The following LRIF1 variants were observed in gnomAD, a reference collection of about 807,000 sequenced individuals.
LRIF1 encodes the protein ligand dependent nuclear receptor interacting factor 1.
LRIF1 carries 32 observed loss-of-function variants against 52.7 expected under a neutral mutation model. That is an observed-to-expected ratio of 0.61 (90% CI 0.46 to 0.82). The LOEUF (loss-of-function observed/expected upper bound fraction) is 0.82, where lower values mean the gene tolerates loss of function less well. Ranked by LOEUF, LRIF1 falls within the 40% of genes least tolerant of loss-of-function variation. The probability of loss-of-function intolerance (pLI) is 0.00; values close to 1 mark genes in which losing one functional copy is unlikely to be tolerated. For synonymous variants in LRIF1, 323 were observed against 317.4 expected, an observed-to-expected ratio of 1.02 and a Z score of -0.19; for missense variants, 887 against 892.0, an observed-to-expected ratio of 0.99 and a Z score of 0.07.
Position 110,947,787 on chromosome 1 carries a change from A to G in LRIF1, c.*172T>C. 1.2e-6 allele frequency: 1 copy of G among 804,452 alleles called. No individual in the cohort carries two copies. The highest frequency in any genetic ancestry group is 3.1e-5 in the South Asian group (1 of 32,288). The allele number at this position is 804,452 out of a possible 1,614,324, so 49.8% of individuals were successfully genotyped here. A position where few individuals can be genotyped will look rare whatever the true frequency, so the allele number is the denominator to read the frequency against. Reference sequence around the variant, plus strand: ...TATAGATACCCCATGTAAATTATTCACAAGTCATATGTGAATCAACCTTTT... The same window carrying G: ...TATAGATACCCCATGTAAATTATTCGCAAGTCATATGTGAATCAACCTTTT... On this transcript the variant is annotated 3_prime_UTR_variant, in exon 4 of 4. Coordinates refer to ENST00000369763, the MANE Select transcript of LRIF1 (RefSeq NM_018372.4).
chr1:110,876,446 C>T, the LRIF1 span, among the ~76,000 whole-genome samples: 1 of 152,174 alleles, frequency 6.6e-6, no homozygotes, highest in African/African-American at 2.4e-5. Flanking sequence ...ACTATGCTAG[C>T]AAACTAAATA....
the LRIF1 span, among the ~76,000 whole-genome samples, chr1:110,931,060 G>C: frequency 2.0e-5 from 3 of 151,872 alleles, no homozygotes; most frequent in Admixed American, 1.3e-4. Flanking sequence ...AGGTATACAT[G>C]TGCCATGCTG....
At chr1:110,877,861 G>C in the LRIF1 span, among the ~76,000 whole-genome samples, 29 of 152,266 alleles carry the variant, frequency 1.9e-4, no homozygotes, top group South Asian at 5.8e-3. Context: ...CTCTTCAAAA[G>C]GACGTACAGC....
the LRIF1 span, among the ~76,000 whole-genome samples, chr1:110,884,383 C>A: frequency 6.6e-6 from 1 of 152,074 alleles, no homozygotes; most frequent in South Asian, 2.1e-4. Flanking sequence ...GATTTATGGT[C>A]CAGAATGGTC....
At chr1:110,931,735 A>C in the LRIF1 span, among the ~76,000 whole-genome samples, 1 of 152,190 alleles carries the variant, frequency 6.6e-6, no homozygotes, top group South Asian at 2.1e-4. Context: ...CTGATGACCA[A>C]TGATGATGAG....
At chr1:110,888,530 G>A in the LRIF1 span, among the ~76,000 whole-genome samples, 97,396 of 152,000 alleles carry the variant, frequency 0.64, 33,237 homozygotes, top group Non-Finnish European at 0.77. Context: ...TTATTTTATA[G>A]TCTACATTTT....
At chr1:110,956,419 CAG>C (rs1284587864) in intron 1 of LRIF1, among the ~76,000 whole-genome samples, 1 of 152,020 alleles carries the variant, frequency 6.6e-6, no homozygotes, top group Non-Finnish European at 1.5e-5. Context: ...TAAAATGAAA[CAG>C]AGTCTAAACT....
At chr1:110,959,976 TATATAC>T (rs1282749189) in intron 1 of LRIF1, among the ~76,000 whole-genome samples, 6 of 152,068 alleles carry the variant, frequency 3.9e-5, no homozygotes, top group African/African-American at 1.4e-4. Flanking sequence ...GACATAACAT[TATATAC>T]ATATAGAACA....
chr1:110,959,206 A>C (rs1045986922), intron 1 of LRIF1, among the ~76,000 whole-genome samples: 2 of 152,230 alleles, frequency 1.3e-5, no homozygotes, highest in African/African-American at 4.8e-5. Context: ...ACAGTTTAAC[A>C]GTTTAAAAGA....
chr1:110,941,700 C>G, the LRIF1 span: 1 of 152,062 alleles, frequency 6.6e-6, no homozygotes, highest in Non-Finnish European at 1.5e-5. Context: ...GTTTCCCACA[C>G]TTCTTGGTTG....
At chr1:110,896,540 T>C in the LRIF1 span, 2 of 937,176 alleles carry the variant, frequency 2.1e-6, no homozygotes, top group Non-Finnish European at 3.4e-6. Context: ...AGACCAATTC[T>C]GGACTTCTGC....
Position 110,959,195 on chromosome 1 carries a change from TAC to T in LRIF1, c.68+4424_68+4425del, listed in dbSNP as rs559874405. ...CTGAGAAACTACATTTGAAAAATAA[TAC>T]AGTTTAACAGTTTAAAAGAGAAAAG... On this transcript the variant is annotated intron_variant, in intron 1 of 3. Coordinates refer to ENST00000369763, the MANE Select transcript of LRIF1 (RefSeq NM_018372.4). Among the ~76,000 whole-genome samples, 196 of 152,208 alleles carry T rather than the reference TAC, an allele frequency of 1.3e-3. 1 individual carries two copies. The highest frequency in any genetic ancestry group is 4.5e-3 in the African/African-American group (186 of 41,538).
rs1268504165 is a variant in LRIF1, at chr1:110,947,544, T to C, written c.*415A>G. 2 of 156,382 alleles carry C rather than the reference T, an allele frequency of 1.3e-5. No homozygotes were observed. The highest frequency in any genetic ancestry group is 4.8e-5 in the African/African-American group (2 of 41,402). 9.7% of individuals were successfully genotyped at this position (156,382 alleles called of 1,614,324 possible). On this transcript the variant is annotated 3_prime_UTR_variant, in exon 4 of 4. Transcript: ENST00000369763. ...AAAGCAAGTACATATACAAATCCAC[T>C]GGAAAAGCTAAGTTTGGAGCTGATT...
chr1:110,947,914 A>G lies in LRIF1; in HGVS notation c.*45T>C, dbSNP rs754772514. ...ACAATTAACTTATTAATGCTGAAGT[A>G]TATTTTAAAAAACAGCTATTTCACT... is the stretch of plus-strand genomic sequence containing the variant. On this transcript the variant is annotated 3_prime_UTR_variant, in exon 4 of 4. Coordinates refer to ENST00000369763, the MANE Select transcript of LRIF1 (RefSeq NM_018372.4). 17 of 1,530,462 alleles carry G rather than the reference A, an allele frequency of 1.1e-5. No homozygotes were observed. In the Admixed American group the frequency reaches 2.7e-4, roughly 24 times the overall value. The allele number at this position is 1,530,462 out of a possible 1,614,324, so 94.8% of individuals were successfully genotyped here.
In LRIF1 at chr1:110,948,386, T is replaced by G; in HGVS notation, c.1883A>C (p.Lys628Thr). 1 of 1,609,686 alleles carries G rather than the reference T, an allele frequency of 6.2e-7. No homozygotes were observed. Among genetic ancestry groups the G allele is most frequent in the Non-Finnish European group, 8.5e-7 (1 of 1,177,756 alleles). ...EGERKQQNFD[K>T]KRKAKTNKKM... ...CTTATTAGTTTTTGCTTTTCTTTTC[T>G]TATCAAAATTCTGCTGCAATATTGA... The change falls in exon 4 of 4, where the codon AAG becomes ACG. Residue 628 changes from lysine (K) to threonine (T), a missense_variant. Physicochemically the swap from Lys to Thr is moderately conservative, Grantham distance 78. Transcript: ENST00000369763.
At chr1:110,909,542 G>A in the LRIF1 span, among the ~76,000 whole-genome samples, 6 of 137,942 alleles carry the variant, frequency 4.3e-5, no homozygotes, top group African/African-American at 1.6e-4. Context: ...GATCTATCAA[G>A]CAAACAGAAA....
the LRIF1 span, among the ~76,000 whole-genome samples, chr1:110,914,134 A>G: frequency 6.6e-6 from 1 of 152,128 alleles, no homozygotes; most frequent in Non-Finnish European, 1.5e-5. Flanking sequence ...GGAACAACAG[A>G]CACCGTGGTT....
At chr1:110,905,145 C>G in the LRIF1 span, among the ~76,000 whole-genome samples, 1 of 151,960 alleles carries the variant, frequency 6.6e-6, no homozygotes, top group Non-Finnish European at 1.5e-5. Flanking sequence ...TAGAAAATAA[C>G]CTCAGAAGGG....
intron 1 of LRIF1, among the ~76,000 whole-genome samples, chr1:110,958,015 C>A (rs1658777475): frequency 6.6e-6 from 1 of 152,136 alleles, no homozygotes; most frequent in African/African-American, 2.4e-5. Context: ...TGTTGTTTTT[C>A]TGATTGCAGC....
Sources: gnomAD v4.1 joint callset for allele counts (sites outside exome capture counted in the v4.1 genomes callset) on GRCh38, gnomAD v4.1.1 for gene constraint, MANE v1.5 for transcripts, NCBI Gene and HGNC (gene_info 2026-07-23, HGNC 2026-07-21) for gene names.